The following YTHDC1 variants were observed in gnomAD, a reference collection of about 807,000 sequenced individuals.
The protein encoded by YTHDC1 is YTH N6-methyladenosine RNA binding protein C1, also known as YTH domain-containing protein 1.
Under a neutral mutation model 107.0 loss-of-function variants are expected in YTHDC1, and 12 were observed. The observed-to-expected ratio is 0.11, with a 90% CI of 0.07 to 0.18. The LOEUF (loss-of-function observed/expected upper bound fraction) is 0.18, where lower values mean the gene tolerates loss of function less well. Among genes scored for constraint, YTHDC1 ranks in the 10% least tolerant of loss-of-function variants. YTHDC1 has a pLI of 1.00. For missense variants in YTHDC1, 635 were observed against 898.8 expected (o/e 0.71, Z 3.75); for synonymous variants, 280 against 289.5 (o/e 0.97, Z 0.33).
chr4:68,330,912 A>C (rs1441397834), intron 7 of YTHDC1, among the ~76,000 whole-genome samples: 1 of 152,180 alleles, frequency 6.6e-6, no homozygotes, highest in Non-Finnish European at 1.5e-5. Flanking sequence ...GAAATGGAAT[A>C]ATAAGGCAGA....
At position 68,316,442 on chromosome 4, in the gene YTHDC1, A is replaced by G; in HGVS notation, c.1831T>C (p.Tyr611His). 6.2e-7 allele frequency: 1 copy of G among 1,612,572 alleles called. No individual in the cohort carries two copies. Among genetic ancestry groups the G allele is most frequent in the Non-Finnish European group, 8.5e-7 (1 of 1,179,450 alleles). ...PPPPWQGMPP[Y>H]PGMEQPPHHP... ...TGTGGAGGTTGTTCCATTCCTGGGTAAGGGGGCTAAAAAAGGAAAACCATT... is the reference window on the plus strand; with the variant it reads ...TGTGGAGGTTGTTCCATTCCTGGGTGAGGGGGCTAAAAAAGGAAAACCATT... Residue 611 changes from tyrosine (Y) to histidine (H), a missense_variant, in exon 16 of 17, where the codon TAC becomes CAC. By Grantham distance (83) the Tyr-to-His change is moderately conservative. Around this residue, in one of 5 missense-constraint regions of YTHDC1, gnomAD observed 256 missense variants for 372.9 expected, o/e 0.69. Coordinates refer to ENST00000344157, the MANE Select transcript of YTHDC1 (RefSeq NM_001031732.4).
chr4:68,312,400 A>G lies in YTHDC1; in HGVS notation c.*1699T>C, dbSNP rs1453557972. 6.6e-6 allele frequency: 1 copy of G among 152,228 alleles called. No homozygotes were observed. The highest frequency in any genetic ancestry group is 1.5e-5 in the Non-Finnish European group (1 of 68,026). The allele number at this position is 152,228 out of a possible 1,614,324, so 9.4% of individuals were successfully genotyped here. On this transcript the variant is annotated 3_prime_UTR_variant, in exon 17 of 17. Transcript: ENST00000344157. ...TTACAGAAATTCTTAAACTGTAGCT[A>G]TCATCTTGTCTAGCTTACTGATGAA...
Position 68,329,277 on chromosome 4 carries a change from T to C in YTHDC1, c.1349+725A>G, listed in dbSNP as rs545866833. On this transcript the variant is annotated intron_variant, in intron 9 of 16. Transcript: ENST00000344157. ...CCTGCAACCCCATAGTTTGTTTCCA[T>C]GCTCTTCTTGGCTTAGGCTGATTTC... Among the ~76,000 whole-genome samples the C allele has an allele frequency of 1.5e-3, 232 of 152,292 alleles. 1 individual carries two copies. Among genetic ancestry groups the C allele is most frequent in the African/African-American group, 5.3e-3 (219 of 41,568 alleles).
intron 1 of YTHDC1, among the ~76,000 whole-genome samples, chr4:68,342,321 G>C (rs1047442897): frequency 1.3e-5 from 2 of 152,086 alleles, no homozygotes; most frequent in African/African-American, 2.4e-5. Flanking sequence ...CAACATTTCT[G>C]TGTGTGTGAT....
At chr4:68,324,416 A>T (rs969373610) in intron 9 of YTHDC1, among the ~76,000 whole-genome samples, 193 bp from the exon 10 acceptor site, 3 of 152,214 alleles carry the variant, frequency 2.0e-5, no homozygotes, top group African/African-American at 7.2e-5. Context: ...TCTAAAAAAG[A>T]GCTTAAGAGC....
chr4:68,342,190 G>T (rs1724879824), intron 1 of YTHDC1, among the ~76,000 whole-genome samples: 1 of 152,258 alleles, frequency 6.6e-6, no homozygotes, highest in Admixed American at 6.5e-5. Context: ...GGCTCAACCG[G>T]GGTCTCCCAT....
intron 9 of YTHDC1, among the ~76,000 whole-genome samples, chr4:68,329,759 G>T (rs566577033): frequency 2.6e-5 from 4 of 152,252 alleles, no homozygotes; most frequent in South Asian, 4.2e-4. Context: ...AAATTATACA[G>T]ATACGCCAGA....
chr4:68,332,915 C>T, intron 5 of YTHDC1, 68 bp from the exon 6 acceptor site: 1 of 1,342,476 alleles, frequency 7.4e-7, no homozygotes, highest in Admixed American at 1.9e-5. Flanking sequence ...TTTCTACAGT[C>T]TTGTCACATA....
At position 68,349,889 on chromosome 4, in the gene YTHDC1, T is replaced by C; in HGVS notation, c.-136A>G. On this transcript the variant is annotated 5_prime_UTR_variant, in exon 1 of 17. Coordinates refer to ENST00000344157, the MANE Select transcript of YTHDC1 (RefSeq NM_001031732.4). ...GGATACGCGCGTCGCACTTGGCCTC[T>C]TAACACTCAGCCTTCTCGACTCTTC... 1 of 1,203,798 alleles carries C rather than the reference T, an allele frequency of 8.3e-7. No homozygotes were observed. The highest frequency in any genetic ancestry group is 1.2e-6 in the Non-Finnish European group (1 of 833,704). 74.6% of individuals were successfully genotyped at this position (1,203,798 alleles called of 1,614,324 possible). A position where few individuals can be genotyped will look rare whatever the true frequency, so the allele number is the denominator to read the frequency against.
chr4:68,349,781 A>G lies in YTHDC1; in HGVS notation c.-28T>C. 7 of 1,610,880 alleles carry G rather than the reference A, an allele frequency of 4.3e-6. No individual in the cohort carries two copies. In the South Asian group the frequency reaches 7.7e-5, roughly 18 times the overall value. Reference sequence around the variant, plus strand: ...CTCCCCTTCGGTTTCCGCCGCTGCCACCGCCGCCGCCGCTTAGACGCGACT... The same window carrying G: ...CTCCCCTTCGGTTTCCGCCGCTGCCGCCGCCGCCGCCGCTTAGACGCGACT... On this transcript the variant is annotated 5_prime_UTR_variant, in exon 1 of 17. Transcript: ENST00000344157.
intron 15 of YTHDC1, among the ~76,000 whole-genome samples, 197 bp downstream of exon 15, chr4:68,318,322 G>C (rs1722086289): frequency 1.3e-5 from 2 of 152,106 alleles, no homozygotes; most frequent in Admixed American, 1.3e-4. Flanking sequence ...TGGCCAGGCT[G>C]GTCTCGAACT....
At position 68,311,162 on chromosome 4, in the gene YTHDC1, C is replaced by A. The variant is rs1407502341; in HGVS notation, c.*2937G>T. On this transcript the variant is annotated 3_prime_UTR_variant, in exon 17 of 17. Coordinates refer to ENST00000344157, the MANE Select transcript of YTHDC1 (RefSeq NM_001031732.4). ...GATTGGATTACGGCTGGCTCCAAAA[C>A]CAACATGGCTATTCAGTCCTTTTGG... 5 of 152,220 alleles carry A rather than the reference C, an allele frequency of 3.3e-5. No individual in the cohort carries two copies. The East Asian group carries it at 9.6e-4, about 29-fold the overall frequency. 9.4% of individuals were successfully genotyped at this position (152,220 alleles called of 1,614,324 possible).
intron 2 of YTHDC1, 84 bp from the exon 3 acceptor site, chr4:68,337,984 A>G: frequency 6.7e-7 from 1 of 1,503,206 alleles, no homozygotes; most frequent in Non-Finnish European, 8.8e-7. Context: ...TAATATATAC[A>G]TCAGGAAGGG....
Position 68,337,262 on chromosome 4 carries a change from T to G in YTHDC1, c.648A>C (p.Glu216Asp). ...EEDVEEDEEV[E>D]EDAEEDEEVD... ...CCTCTTCATCTTCTTCTGCATCTTC[T>G]TCTACTTCTTCATCTTCCTCCACAT... The change falls in exon 4 of 17, where the codon GAA becomes GAC. Residue 216 changes from glutamate (E) to aspartate (D), a missense_variant. Physicochemically the swap from Glu to Asp is conservative, Grantham distance 45. Transcript: ENST00000344157. 1 of 1,609,350 alleles carries G rather than the reference T, an allele frequency of 6.2e-7. No individual in the cohort carries two copies. The highest frequency in any genetic ancestry group is 2.2e-5 in the East Asian group (1 of 44,788).
intron 1 of YTHDC1, among the ~76,000 whole-genome samples, chr4:68,340,228 C>T (rs958341772): frequency 2.6e-5 from 4 of 152,000 alleles, no homozygotes; most frequent in East Asian, 1.9e-4. Flanking sequence ...TTAATACAAA[C>T]GATAAGGTTA....
At position 68,337,751 on chromosome 4, in the gene YTHDC1, C is replaced by G; in HGVS notation, c.280G>C (p.Glu94Gln). 1 of 1,614,118 alleles carries G rather than the reference C, an allele frequency of 6.2e-7. No individual in the cohort carries two copies. Among genetic ancestry groups the G allele is most frequent in the South Asian group, 1.1e-5 (1 of 91,082 alleles). The change falls in exon 3 of 17, where the codon GAG becomes CAG. Residue 94 changes from glutamate to glutamine, a missense_variant. This residue lies in a region of YTHDC1 where 294 missense variants were observed against 312.3 expected (regional missense o/e 0.94). Coordinates refer to ENST00000344157, the MANE Select transcript of YTHDC1 (RefSeq NM_001031732.4). ...CTTTGATATTCCTCATTTTTATACTCTGTGGCTGACTTTCCTTTTGTACTA... is the reference window on the plus strand; with the variant it reads ...CTTTGATATTCCTCATTTTTATACTGTGTGGCTGACTTTCCTTTTGTACTA... ...IVSTKGKSATEYKNEEYQRSE... is the reference protein window; with the variant it reads ...IVSTKGKSATQYKNEEYQRSE...
At chr4:68,339,656 G>A (rs1306524097) in intron 1 of YTHDC1, among the ~76,000 whole-genome samples, 3 of 152,094 alleles carry the variant, frequency 2.0e-5, no homozygotes, top group Non-Finnish European at 4.4e-5. Flanking sequence ...GCTAACATCT[G>A]CAGAATGTGT....
chr4:68,322,583 G>A lies in YTHDC1; in HGVS notation c.1601+166C>T, dbSNP rs1722552149. The A allele has an allele frequency of 1.3e-6, 1 of 774,954 alleles. No homozygotes were observed. The highest frequency in any genetic ancestry group is 2.0e-6 in the Non-Finnish European group (1 of 510,500). The allele number at this position is 774,954 out of a possible 1,614,324, so 48.0% of individuals were successfully genotyped here. ...CCTCTTGAAAAATGACTGAGACCAA[G>A]GTGACCATGTGAAATCCTCAATGAA... On this transcript the variant is annotated intron_variant, in intron 11 of 16. Coordinates refer to ENST00000344157, the MANE Select transcript of YTHDC1 (RefSeq NM_001031732.4). This position sits in a 1 kb window ranked among gnomAD's most constrained non-coding sequence, Gnocchi z 4.8.
intron 9 of YTHDC1, 141 bp from the exon 10 acceptor site, chr4:68,324,364 A>C (rs1722754981): frequency 1.6e-6 from 1 of 611,372 alleles, no homozygotes; most frequent in Non-Finnish European, 2.7e-6. Context: ...TTAATTCCCT[A>C]TAGAAAGCCT....
Sources: gnomAD v4.1 joint callset for allele counts (sites outside exome capture counted in the v4.1 genomes callset) on GRCh38, gnomAD v4.1.1 for gene constraint, gnomAD v4.1.1 regional missense constraint, Gnocchi (gnomAD v3.1) non-coding constraint, MANE v1.5 for transcripts, NCBI Gene and HGNC (gene_info 2026-07-23, HGNC 2026-07-21) for gene names.